The following PLEC variants were observed in gnomAD, a reference collection of about 807,000 sequenced individuals.
PLEC encodes plectin, also known as hemidesmosomal protein 1.
Under a neutral mutation model 392.8 loss-of-function variants are expected in PLEC, and 216 were observed. That is an observed-to-expected ratio of 0.55 (90% confidence interval 0.49 to 0.62). The LOEUF (loss-of-function observed/expected upper bound fraction) is 0.62. Among genes scored for constraint, PLEC ranks in the 20% least tolerant of loss-of-function variants. PLEC has a pLI of 0.00. For synonymous variants in PLEC, 3,621 were observed against 2,980.6 expected, an observed-to-expected ratio of 1.21 and a Z score of -7.00; for missense variants, 6,863 against 6,563.4, an observed-to-expected ratio of 1.05 and a Z score of -1.58.
rs782331812 is a variant in PLEC at position 143,932,129 on chromosome 8, C to T, written c.2082+1G>A. 1 of 1,610,226 alleles carries T rather than the reference C, an allele frequency of 6.2e-7. No homozygotes were observed. The highest frequency in any genetic ancestry group is 8.5e-7 in the Non-Finnish European group (1 of 1,179,366). ...CCCCGCCCCTACCCAGGGAGCCCCA[C>T]CTCCACCGTGGGCCGGGCCGGGTGG... On this transcript the variant is annotated splice_donor_variant, in intron 17 of 31. Coordinates refer to ENST00000345136, the MANE Select transcript of PLEC (RefSeq NM_201384.3). LOFTEE classifies it high-confidence loss of function.
In PLEC at chr8:143,934,735, C is replaced by T. The variant is rs1554721305; in HGVS notation, c.946-5G>A. The T allele has an allele frequency of 6.2e-7, 1 of 1,612,428 alleles. No homozygotes were observed. The highest frequency in any genetic ancestry group is 1.1e-5 in the South Asian group (1 of 91,092). On this transcript the variant is annotated splice_polypyrimidine_tract_variant and splice_region_variant and intron_variant, in intron 9 of 31. Transcript: ENST00000345136. ...CAGGAACTGAGACCACAGGATCTGC[C>T]AGGGACGAGGCTGTCGGCAACCACG...
Position 143,922,936 on chromosome 8 carries a change from C to A in PLEC, c.6993G>T (p.Leu2331=). Residue 2331 remains leucine, a synonymous_variant, in exon 31 of 32, where the codon CTG becomes CTT. Coordinates refer to ENST00000345136, the MANE Select transcript of PLEC (RefSeq NM_201384.3). The stretch of plus-strand genomic sequence containing the variant: ...GCGCAAGCTCCTTCTGCTGCTGCAG[C>A]AGTTCCGCCTCAGCCTTGAGTCGCG... ...EATRLKAEAE[L]LQQQKELAQE... 1 of 1,606,162 alleles carries A rather than the reference C, an allele frequency of 6.2e-7. No homozygotes were observed.
At position 143,921,703 on chromosome 8, in the gene PLEC, G is replaced by A. The variant is rs1586845698; in HGVS notation, c.8118C>T (p.Thr2706=). The change falls in exon 32 of 32, where the codon ACC becomes ACT. Residue 2706 remains threonine (T), a synonymous_variant. Coordinates refer to ENST00000345136, the MANE Select transcript of PLEC (RefSeq NM_201384.3). ...SSIAGLLLKA[T]NEKLSVYAAL... is the part of the protein sequence containing the mutation. ...CGGCGTAAACACTCAGCTTCTCATT[G>A]GTGGCCTTCAGCAACAGCCCTGCGA... The A allele has an allele frequency of 1.2e-6, 2 of 1,613,056 alleles. No homozygotes were observed. The highest frequency in any genetic ancestry group is 4.5e-5 in the East Asian group (2 of 44,872).
At position 143,921,966 on chromosome 8, in the gene PLEC, G is replaced by T. The variant is rs1822925383; in HGVS notation, c.7855C>A (p.Gln2619Lys). 1.3e-6 allele frequency: 2 copies of T among 1,598,702 alleles called. No homozygotes were observed. Among genetic ancestry groups the T allele is most frequent in the Non-Finnish European group, 1.7e-6 (2 of 1,179,760 alleles). The change falls in exon 32 of 32, where the codon CAG becomes AAG. Residue 2619 changes from glutamine (Q) to lysine (K), a missense_variant. By Grantham distance (53) the Gln-to-Lys change is moderately conservative (BLOSUM62 1). Transcript: ENST00000345136. ...LAHSEEVTAS[Q>K]VAATKTLPNG... ...GGCAGGGTCTTTGTGGCAGCCACCT[G>T]CGAGGCAGTGACCTCCTCTGAGTGC...
Position 143,932,874 on chromosome 8 carries a change from C to A in PLEC, c.1656G>T (p.Glu552Asp). The change falls in exon 14 of 32, where the codon GAG becomes GAT. Residue 552 changes from glutamate (E) to aspartate (D), a missense_variant. Physicochemically the swap from Glu to Asp is conservative, Grantham distance 45. Coordinates refer to ENST00000345136, the MANE Select transcript of PLEC (RefSeq NM_201384.3). ...GGCCTCGGTGGCTGCCCAGCTGCGC[C>A]TCCACGCTGGGCAGGTCCACACCCC... is the stretch of plus-strand genomic sequence containing the variant. ...AEWGVDLPSV[E>D]AQLGSHRGLH... The A allele has an allele frequency of 1.9e-6, 3 of 1,611,414 alleles. No homozygotes were observed. Among genetic ancestry groups the A allele is most frequent in the Non-Finnish European group, 2.5e-6 (3 of 1,179,540 alleles).
In PLEC at chr8:143,934,829, G is replaced by A. The variant is rs1160140316; in HGVS notation, c.926C>T (p.Ser309Phe). 1.2e-6 allele frequency: 2 copies of A among 1,611,524 alleles called. No homozygotes were observed. Among genetic ancestry groups the A allele is most frequent in the Admixed American group, 1.7e-5 (1 of 59,982 alleles). The change falls in exon 9 of 32, where the codon TCC (serine) becomes TTC (phenylalanine). Residue 309 changes from serine (S) to phenylalanine (F), a missense_variant. Transcript: ENST00000345136. ...GCCCACCTCAATCTCCTCGAAGCTGGAGGGGAACCTGCGTTCCTCAAAGGC... is the reference window on the plus strand; with the variant it reads ...GCCCACCTCAATCTCCTCGAAGCTGAAGGGGAACCTGCGTTCCTCAAAGGC... ...TAAFEERRFPSSFEEIEILWS... is the reference protein window; with the variant it reads ...TAAFEERRFPFSFEEIEILWS...
rs1822033344 is a variant in PLEC, at chr8:143,920,099, A to T, written c.9722T>A (p.Val3241Asp). Reference protein sequence around the residue: ...RETFEKTPVEVPVGGFKGRTV... With the variant: ...RETFEKTPVEDPVGGFKGRTV... ...CCTGCCCTTGAAGCCACCCACGGGG[A>T]CCTCAACCGGGGTCTTTTCAAAGGT... The change falls in exon 32 of 32, where the codon GTC becomes GAC. Residue 3241 changes from valine (V) to aspartate (D), a missense_variant. Val to Asp is a radical substitution (Grantham distance 152, BLOSUM62 -3). Transcript: ENST00000345136. 6.2e-7 allele frequency: 1 copy of T among 1,612,886 alleles called. No homozygotes were observed. The highest frequency in any genetic ancestry group is 8.5e-7 in the Non-Finnish European group (1 of 1,180,006).
chr8:143,918,928 G>A lies in PLEC; in HGVS notation c.10893C>T (p.Ile3631=). 1 of 1,610,906 alleles carries A rather than the reference G, an allele frequency of 6.2e-7. No individual in the cohort carries two copies. The highest frequency in any genetic ancestry group is 1.3e-5 in the African/African-American group (1 of 75,058). Residue 3631 remains isoleucine, a synonymous_variant, in exon 32 of 32, where the codon ATC becomes ATT. Coordinates refer to ENST00000345136, the MANE Select transcript of PLEC (RefSeq NM_201384.3). Reference sequence around the variant, plus strand: ...AGGAGGCCAGACCCTGCTGGCGGATGATCTCTGTCTTCTCAATGATCTCGA... The same window carrying A: ...AGGAGGCCAGACCCTGCTGGCGGATAATCTCTGTCTTCTCAATGATCTCGA... The part of the protein sequence containing the change: ...IIIEIIEKTE[I]IRQQGLASYD...
Position 143,933,334 on chromosome 8 carries a change from A to G in PLEC, c.1281T>C (p.Ala427=), listed in dbSNP as rs2131970472. The change falls in exon 13 of 32, where the codon GCT becomes GCC. Residue 427 remains alanine, a synonymous_variant. Transcript: ENST00000345136. ...ALLQSDVRLL[A]AGKVPQRAGE... ...CCGCCCGCTGTGGCACTTTGCCTGC[A>G]GCCAGCAGCCGGACATCCTGCAAGG... 6.2e-7 allele frequency: 1 copy of G among 1,611,924 alleles called. No homozygotes were observed. Among genetic ancestry groups the G allele is most frequent in the East Asian group, 2.2e-5 (1 of 44,878 alleles).
At position 143,919,626 on chromosome 8, in the gene PLEC, C is replaced by A; in HGVS notation, c.10195G>T (p.Val3399Leu). ...LEAQAATGFLVDPVRNQRLYV... is the reference protein window; with the variant it reads ...LEAQAATGFLLDPVRNQRLYV... ...AGGCGCTGGTTCCGCACGGGGTCCA[C>A]CAGGAAGCCAGTGGCCGCCTGCGCC... The change falls in exon 32 of 32, where the codon GTG becomes TTG. Residue 3399 changes from valine to leucine, a missense_variant. By Grantham distance (32) the Val-to-Leu change is conservative. Transcript: ENST00000345136. 1 of 1,583,852 alleles carries A rather than the reference C, an allele frequency of 6.3e-7. No homozygotes were observed. The highest frequency in any genetic ancestry group is 1.1e-5 in the South Asian group (1 of 88,448).
intron 1 of PLEC, chr8:143,950,181 G>T (rs782084224): frequency 9.9e-6 from 15 of 1,514,158 alleles, no homozygotes; most frequent in Non-Finnish European, 1.2e-5. Flanking sequence ...GGGTGCAGCT[G>T]ACCTGTGGCT....
At chr8:143,944,065 G>A (rs554652461), upstream of PLEC, 12 of 879,500 alleles carry the variant, frequency 1.4e-5, no homozygotes, top group Non-Finnish European at 2.0e-5. Context: ...GCTCCCGCCC[G>A]CCTCCTCTCC....
In PLEC at chr8:143,917,836, A is replaced by C. The variant is rs545620955; in HGVS notation, c.11985T>G (p.Ile3995Met). ...GCTTGTCCTTGAACTCGGGGCCCAC[A>C]ATGCCCATACGCACAGCCTCCTCCA... ...LTVEEAVRMGIVGPEFKDKLL... is the reference protein window; with the variant it reads ...LTVEEAVRMGMVGPEFKDKLL... The change falls in exon 32 of 32, where the codon ATT becomes ATG. Residue 3995 changes from isoleucine to methionine, a missense_variant. Physicochemically the swap from Ile to Met is conservative, Grantham distance 10. Transcript: ENST00000345136. The C allele has an allele frequency of 5.0e-6, 8 of 1,613,170 alleles. No homozygotes were observed. The South Asian group carries it at 8.8e-5, about 18-fold the overall frequency.
rs2131493980 is a variant in PLEC at position 143,925,536 on chromosome 8, CGGT to C, written c.4390_4392del (p.Thr1464del). 1.3e-6 allele frequency: 2 copies of C among 1,594,718 alleles called. No homozygotes were observed. The highest frequency in any genetic ancestry group is 8.5e-7 in the Non-Finnish European group (1 of 1,177,774). On this transcript the variant is annotated inframe_deletion, in exon 31 of 32. Transcript: ENST00000345136. ...CCCTCAGCCCCGCCACGCTGGCGCT[CGGT>C]GGCCTCCAACTGCAGGCGCACCACG...
At position 143,924,897 on chromosome 8, in the gene PLEC, T is replaced by G; in HGVS notation, c.5032A>C (p.Lys1678Gln). Residue 1678 changes from lysine (K) to glutamine (Q), a missense_variant, in exon 31 of 32, where the codon AAG becomes CAG. Transcript: ENST00000345136. The part of the protein sequence containing the change: ...EAEREARRRG[K>Q]AEEQAVRQRE... ...TGCCGGACGGCCTGCTCCTCCGCCT[T>G]GCCGCGCCGCCGCGCCTCGCGCTCC... 1 of 1,589,004 alleles carries G rather than the reference T, an allele frequency of 6.3e-7. No homozygotes were observed. Among genetic ancestry groups the G allele is most frequent in the East Asian group, 2.3e-5 (1 of 44,302 alleles).
chr8:143,948,129 T>G (rs1445478952), intron 1 of PLEC, among the ~76,000 whole-genome samples: 1 of 152,226 alleles, frequency 6.6e-6, no homozygotes, highest in Non-Finnish European at 1.5e-5. Context: ...CAGGCCCCCA[T>G]GGGCCCCACC....
Position 143,924,394 on chromosome 8 carries a change from G to A in PLEC, c.5535C>T (p.Ala1845=), listed in dbSNP as rs1554697080. 4 of 1,595,016 alleles carry A rather than the reference G, an allele frequency of 2.5e-6. No individual in the cohort carries two copies. The South Asian group carries it at 3.3e-5, about 13-fold the overall frequency. The change falls in exon 31 of 32, where the codon GCC becomes GCT. Residue 1845 remains alanine (A), a synonymous_variant. Transcript: ENST00000345136. ...TCTCCGCCTCCGTCTTGAGCCGCGT[G>A]GCCTCGCCGATGGCGGCCAGCTTCT... ...LAEKLAAIGE[A]TRLKTEAEIA... is the part of the protein sequence containing the mutation.
chr8:143,921,453 G>A lies in PLEC; in HGVS notation c.8368C>T (p.Gln2790Ter). The A allele has an allele frequency of 6.2e-7, 1 of 1,613,340 alleles. No individual in the cohort carries two copies. Among genetic ancestry groups the A allele is most frequent in the Non-Finnish European group, 8.5e-7 (1 of 1,179,832 alleles). Residue 2790 changes from glutamine to a stop codon, truncating the protein, a stop_gained, in exon 32 of 32, where the codon CAA (glutamine) becomes TAA (stop). Coordinates refer to ENST00000345136, the MANE Select transcript of PLEC (RefSeq NM_201384.3). LOFTEE classifies it low-confidence loss of function (END_TRUNC). ...PYTGQQISLF[Q>*]AMQKGLIVRE... The stretch of plus-strand genomic sequence containing the variant: ...ACGATGAGGCCCTTCTGCATGGCTT[G>A]GAAGAGAGAGATCTGCTGGCCAGTG...
intron 1 of PLEC, among the ~76,000 whole-genome samples, chr8:143,967,219 T>C (rs928594353): frequency 1.7e-4 from 26 of 151,306 alleles, no homozygotes; most frequent in Non-Finnish European, 1.0e-4. Flanking sequence ...AAAAATTAGC[T>C]GGGCATGGTG....
Sources: gnomAD v4.1 joint callset for allele counts (sites outside exome capture counted in the v4.1 genomes callset) on GRCh38, gnomAD v4.1.1 for gene constraint, MANE v1.5 for transcripts, NCBI Gene and HGNC (gene_info 2026-07-23, HGNC 2026-07-21) for gene names.